Variants in PHF20 observed in about 807,000 individuals in gnomAD.
PHF20 encodes the protein PHD finger protein 20.
Under a neutral mutation model 113.5 loss-of-function variants are expected in PHF20, and 23 were observed. That is an observed-to-expected ratio of 0.20 (90% confidence interval 0.15 to 0.29). The LOEUF (loss-of-function observed/expected upper bound fraction) is 0.29, where lower values mean the gene tolerates loss of function less well. Among genes scored for constraint, PHF20 ranks in the 10% least tolerant of loss-of-function variants. The pLI is 1.00. For missense variants in PHF20, 943 were observed against 1,219.6 expected, an observed-to-expected ratio of 0.77 and a Z score of 3.38; for synonymous variants, 434 against 457.3, an observed-to-expected ratio of 0.95 and a Z score of 0.65.
At chr20:35,834,160 G>A (rs1350095701) in intron 2 of PHF20, among the ~76,000 whole-genome samples, 2 of 152,114 alleles carry the variant, frequency 1.3e-5, no homozygotes, top group Middle Eastern at 3.4e-3. Context: ...TGTCCAGCCT[G>A]GGCTGGACAT....
intron 10 of PHF20, among the ~76,000 whole-genome samples, chr20:35,909,942 G>A (rs887203917): frequency 2.6e-5 from 4 of 152,090 alleles, no homozygotes; most frequent in Admixed American, 1.3e-4. Context: ...TCAGTTTCCC[G>A]GCCTGTAAAA....
chr20:35,847,013 G>A (rs1471432739), intron 3 of PHF20, among the ~76,000 whole-genome samples: 2 of 152,034 alleles, frequency 1.3e-5, no homozygotes, highest in African/African-American at 2.4e-5. Context: ...TGCTTTCTTG[G>A]GAATGAATCC....
In PHF20 at chr20:35,887,063, A is replaced by G. The variant is rs535284712; in HGVS notation, c.1283-12307A>G. Among the ~76,000 whole-genome samples the G allele has an allele frequency of 4.5e-4, 69 of 152,336 alleles. 1 individual carries two copies. The highest frequency in any genetic ancestry group is 8.5e-4 in the Non-Finnish European group (58 of 68,038). ...AGTCATCCAGTTGTGAGGTCATCTG[A>G]TACTGGCAATGGGTACACAAAATAT... On this transcript the variant is annotated intron_variant, in intron 9 of 17. Coordinates refer to ENST00000374012, the MANE Select transcript of PHF20 (RefSeq NM_016436.5).
At chr20:35,943,042 C>T (rs1392014018) in intron 17 of PHF20, among the ~76,000 whole-genome samples, 1 of 152,160 alleles carries the variant, frequency 6.6e-6, no homozygotes, top group Admixed American at 6.5e-5. Flanking sequence ...CCAGGATGGT[C>T]TCGATCTCCT....
intron 13 of PHF20, among the ~76,000 whole-genome samples, chr20:35,919,432 CG>C (rs1166843671): frequency 6.6e-6 from 1 of 151,614 alleles, no homozygotes; most frequent in Non-Finnish European, 1.5e-5. Flanking sequence ...CTCTGCCTCC[CG>C]GGTTCAAGCG....
At chr20:35,797,632 TTTTG>T (rs1329892169) in intron 1 of PHF20, among the ~76,000 whole-genome samples, 15 of 151,424 alleles carry the variant, frequency 9.9e-5, no homozygotes, top group Admixed American at 8.5e-4. Context: ...TGGTGGTTTT[TTTTG>T]TTTGTTTTTG....
At chr20:35,897,185 C>T (rs2055001609) in intron 9 of PHF20, among the ~76,000 whole-genome samples, 1 of 152,024 alleles carries the variant, frequency 6.6e-6, no homozygotes, top group African/African-American at 2.4e-5. Flanking sequence ...AGGCACATGC[C>T]ATCATGCCTG....
At chr20:35,804,528 G>A (rs1417557919) in intron 2 of PHF20, among the ~76,000 whole-genome samples, 11 of 151,016 alleles carry the variant, frequency 7.3e-5, no homozygotes, top group Middle Eastern at 3.5e-3. Flanking sequence ...GAGCCACCGC[G>A]CCCAGCCTAA....
At chr20:35,881,070 T>TTTTTTTC (rs1491351439) in intron 9 of PHF20, among the ~76,000 whole-genome samples, 2 of 145,272 alleles carry the variant, frequency 1.4e-5, no homozygotes, top group African/African-American at 2.6e-5. Flanking sequence ...TTTTTTTTTT[T>TTTTTTTC]CTGAGACGGA....
chr20:35,830,175 G>C (rs543863359), intron 2 of PHF20, among the ~76,000 whole-genome samples: 1 of 151,996 alleles, frequency 6.6e-6, no homozygotes, highest in African/African-American at 2.4e-5. Context: ...CGGCCTCCCA[G>C]AGTGCTGGGA....
chr20:35,825,636 C>T (rs2042246549), intron 2 of PHF20, among the ~76,000 whole-genome samples: 1 of 152,134 alleles, frequency 6.6e-6, no homozygotes, highest in Non-Finnish European at 1.5e-5. Flanking sequence ...AAAATTGCTA[C>T]TCTATAATTA....
At chr20:35,865,123 G>A (rs1341958801) in intron 6 of PHF20, among the ~76,000 whole-genome samples, 1 of 152,078 alleles carries the variant, frequency 6.6e-6, no homozygotes, top group African/African-American at 2.4e-5. Flanking sequence ...AACCCAGGAG[G>A]CGGAGGTTGC....
intron 2 of PHF20, among the ~76,000 whole-genome samples, chr20:35,841,424 T>G (rs913972779): frequency 2.6e-5 from 4 of 152,132 alleles, no homozygotes; most frequent in African/African-American, 4.8e-5. Flanking sequence ...CTGTATATCT[T>G]AGAAGAGCTT....
intron 17 of PHF20, among the ~76,000 whole-genome samples, chr20:35,943,896 G>A (rs569656515): frequency 2.6e-4 from 40 of 152,286 alleles, no homozygotes; most frequent in Non-Finnish European, 4.3e-4. Flanking sequence ...TGGGATTACA[G>A]GTGTGAGCCA....
intron 14 of PHF20, 52 bp downstream of exon 14, chr20:35,927,931 A>C (rs1001006379): frequency 2.4e-6 from 3 of 1,274,212 alleles, no homozygotes; most frequent in Non-Finnish European, 3.4e-6. Context: ...TTTCCTTGGC[A>C]CAGCTGGCTG....
intron 4 of PHF20, among the ~76,000 whole-genome samples, chr20:35,854,250 T>A (rs1017579272): frequency 6.6e-6 from 1 of 152,234 alleles, no homozygotes; most frequent in Non-Finnish European, 1.5e-5. Context: ...GCTATAAGAT[T>A]GTCTGCAATG....
chr20:35,779,810 T>C (rs2378408), intron 1 of PHF20, among the ~76,000 whole-genome samples: 133,575 of 152,204 alleles, frequency 0.88, 58,673 homozygotes, highest in East Asian at 0.92. Context: ...CGTGAGCCAC[T>C]GTGCCCGGCC....
chr20:35,797,614 T>C (rs1389039405), intron 1 of PHF20, among the ~76,000 whole-genome samples: 8 of 151,172 alleles, frequency 5.3e-5, no homozygotes, highest in Non-Finnish European at 1.5e-5. Flanking sequence ...TGCTGACAAT[T>C]ACTTCTTTGG....
At chr20:35,816,103 C>T (rs762907545) in intron 2 of PHF20, among the ~76,000 whole-genome samples, 4 of 151,964 alleles carry the variant, frequency 2.6e-5, no homozygotes, top group Non-Finnish European at 4.4e-5. Flanking sequence ...ACTACAGGCA[C>T]GCGCCACCAT....
Sources: gnomAD v4.1 joint callset for allele counts (sites outside exome capture counted in the v4.1 genomes callset) on GRCh38, gnomAD v4.1.1 for gene constraint, MANE v1.5 for transcripts, NCBI Gene and HGNC (gene_info 2026-07-23, HGNC 2026-07-21) for gene names.